Variants in ZNF385D observed in about 807,000 individuals in gnomAD.
ZNF385D encodes zinc finger protein 385D, also known as zinc finger protein 659.
A neutral mutation model predicts 35.8 loss-of-function variants in ZNF385D; 15 were observed. The ratio of observed to expected loss-of-function variants is 0.42; its 90% CI spans 0.28 to 0.64. The LOEUF is 0.64. ZNF385D is among the 30% of genes least tolerant of loss of function. ZNF385D has a pLI of 0.23. For synonymous variants in ZNF385D, 212 were observed against 186.8 expected (o/e 1.13, Z -1.10); for missense variants, 474 against 494.6 (o/e 0.96, Z 0.39).
chr3:21,579,086 CAG>C (rs1481480829), intron 2 of ZNF385D: 1 of 152,156 alleles, frequency 6.6e-6, no homozygotes, highest in Non-Finnish European at 1.5e-5. Context: ...CTTTCAAAGA[CAG>C]TGAATGTCTA....
chr3:21,820,135 A>G (rs1297710852), intron 3 of ZNF385D, among the ~76,000 whole-genome samples: 1 of 151,746 alleles, frequency 6.6e-6, no homozygotes, highest in Non-Finnish European at 1.5e-5. Context: ...CATTTTCATT[A>G]CACTTTATTT....
chr3:22,079,402 TA>T (rs1700629076), intron 3 of ZNF385D, among the ~76,000 whole-genome samples: 1 of 151,908 alleles, frequency 6.6e-6, no homozygotes, highest in Admixed American at 6.6e-5. Context: ...AAATATGAAG[TA>T]AAAATTGACA....
chr3:22,017,533 T>C (rs958739714), intron 3 of ZNF385D, among the ~76,000 whole-genome samples: 1 of 152,038 alleles, frequency 6.6e-6, no homozygotes, highest in Admixed American at 6.6e-5. Context: ...TATTCTGAGT[T>C]AGATTTATGT....
At chr3:21,674,343 T>C (rs550096573) in intron 1 of ZNF385D, among the ~76,000 whole-genome samples, 2 of 152,156 alleles carry the variant, frequency 1.3e-5, no homozygotes, top group African/African-American at 2.4e-5. Flanking sequence ...ACAATTATTT[T>C]CTCCACTTTG....
chr3:22,341,193 T>C (rs1695405546), intron 2 of ZNF385D, among the ~76,000 whole-genome samples: 1 of 152,212 alleles, frequency 6.6e-6, no homozygotes, highest in African/African-American at 2.4e-5. Context: ...ATTATATTAT[T>C]ACCAATCTCT....
intron 2 of ZNF385D, among the ~76,000 whole-genome samples, chr3:22,169,931 A>C (rs2125759529): frequency 6.6e-6 from 1 of 152,332 alleles, no homozygotes; most frequent in East Asian, 1.9e-4. Flanking sequence ...AGTAGCTGGA[A>C]CTACAGGTGT....
intron 4 of ZNF385D, among the ~76,000 whole-genome samples, chr3:21,494,357 A>C (rs954139195): frequency 2.0e-5 from 3 of 152,178 alleles, no homozygotes; most frequent in African/African-American, 7.2e-5. Context: ...TGTGTAAAGA[A>C]TAGTATTTAC....
chr3:21,424,109 CA>C, intron 6 of ZNF385D, 45 bp from the exon 7 acceptor site: 2 of 1,494,950 alleles, frequency 1.3e-6, no homozygotes, highest in South Asian at 1.3e-5. Context: ...AAATCATCTG[CA>C]AAAACCTCTC....
At chr3:22,176,421 A>G (rs1211060127) in intron 2 of ZNF385D, among the ~76,000 whole-genome samples, 2 of 152,226 alleles carry the variant, frequency 1.3e-5, no homozygotes, top group Non-Finnish European at 2.9e-5. Context: ...TTAATTAGGA[A>G]CATCTTACTT....
chr3:22,301,138 G>T (rs894651654), intron 2 of ZNF385D, among the ~76,000 whole-genome samples: 1 of 152,068 alleles, frequency 6.6e-6, no homozygotes, highest in African/African-American at 2.4e-5. Flanking sequence ...AGACAACAGA[G>T]ATGAACCTGG....
chr3:21,481,778 C>T (rs924801065), intron 4 of ZNF385D, among the ~76,000 whole-genome samples: 1 of 152,082 alleles, frequency 6.6e-6, no homozygotes, highest in Non-Finnish European at 1.5e-5. Flanking sequence ...GTCTAGTTAG[C>T]TAGTATATTT....
Position 21,898,458 on chromosome 3 carries a change from T to C in ZNF385D, c.326-233430A>G, listed in dbSNP as rs527807832. ...AAAATGTTGTTCATGCAGAAACTAC[T>C]TCCAGATTTTTTTCTATGTATAGTT... On this transcript the variant is annotated intron_variant, in intron 3 of 5. Coordinates refer to the ZNF385D transcript ENST00000494108. 3.1e-3 allele frequency among the ~76,000 whole-genome samples: 472 copies of C among 152,266 alleles called. 3 individuals carry two copies. The highest frequency in any genetic ancestry group is 0.011 in the African/African-American group (452 of 41,580).
intron 3 of ZNF385D, among the ~76,000 whole-genome samples, chr3:21,996,676 T>C (rs1266819171): frequency 6.6e-6 from 1 of 152,244 alleles, no homozygotes; most frequent in Non-Finnish European, 1.5e-5. Flanking sequence ...ATACATTTTT[T>C]TAAAATCACT....
intron 1 of ZNF385D, among the ~76,000 whole-genome samples, chr3:21,692,623 T>G (rs931920885): frequency 6.6e-6 from 1 of 152,232 alleles, no homozygotes; most frequent in Non-Finnish European, 1.5e-5. Flanking sequence ...GAGCTGCTGA[T>G]CACACCCTTG....
intron 3 of ZNF385D, among the ~76,000 whole-genome samples, chr3:21,888,555 G>A (rs1236540816): frequency 6.6e-6 from 1 of 151,974 alleles, no homozygotes; most frequent in African/African-American, 2.4e-5. Context: ...AGTAACTTCT[G>A]GAATAGTTTT....
intron 2 of ZNF385D, among the ~76,000 whole-genome samples, chr3:22,365,120 T>G (rs1447851297): frequency 6.6e-6 from 1 of 152,030 alleles, no homozygotes; most frequent in African/African-American, 2.4e-5. Flanking sequence ...AACTGTTTAA[T>G]GGATATAGAG....
At chr3:22,209,479 G>A (rs1185093661) in intron 2 of ZNF385D, among the ~76,000 whole-genome samples, 1 of 151,704 alleles carries the variant, frequency 6.6e-6, no homozygotes, top group Non-Finnish European at 1.5e-5. Flanking sequence ...TACATATGGT[G>A]TTGTGTTATT....
intron 3 of ZNF385D, among the ~76,000 whole-genome samples, chr3:21,902,470 G>C (rs1313986914): frequency 6.6e-6 from 1 of 152,156 alleles, no homozygotes; most frequent in Non-Finnish European, 1.5e-5. Flanking sequence ...CGGAGTATCT[G>C]ATGGGAATAG....
chr3:21,803,985 T>C (rs1434343497), intron 3 of ZNF385D, among the ~76,000 whole-genome samples: 2 of 152,354 alleles, frequency 1.3e-5, no homozygotes, highest in South Asian at 2.1e-4. Context: ...TGTAGTTTCA[T>C]ATCATGTTTA....
Sources: gnomAD v4.1 joint callset for allele counts (sites outside exome capture counted in the v4.1 genomes callset) on GRCh38, gnomAD v4.1.1 for gene constraint, MANE v1.5 for transcripts, NCBI Gene and HGNC (gene_info 2026-07-23, HGNC 2026-07-21) for gene names.